The following RNF111 variants were observed in gnomAD, a reference collection of about 807,000 sequenced individuals.
The protein encoded by RNF111 is ring finger protein 111.
RNF111 carries 17 observed loss-of-function variants against 95.1 expected under a neutral mutation model. The ratio of observed to expected loss-of-function variants is 0.18; its 90% CI spans 0.12 to 0.27. RNF111 has a LOEUF of 0.27. RNF111 is among the 10% of genes least tolerant of loss of function. The probability of loss-of-function intolerance (pLI) is 1.00; values close to 1 mark genes in which losing one functional copy is unlikely to be tolerated. For missense variants in RNF111, 1,189 were observed against 1,210.4 expected (o/e 0.98, Z 0.26); for synonymous variants, 440 against 414.8 (o/e 1.06, Z -0.74).
chr15:59,058,799 C>A, intron 5 of RNF111: 2 of 405,068 alleles, frequency 4.9e-6, no homozygotes, highest in Non-Finnish European at 9.0e-6. Context: ...ATGGCTGACA[C>A]CAAAAGCATG....
At chr15:58,995,355 G>T (rs1005347823) in intron 1 of RNF111, among the ~76,000 whole-genome samples, 1 of 152,128 alleles carries the variant, frequency 6.6e-6, no homozygotes, top group African/African-American at 2.4e-5. Flanking sequence ...GTTTTATTCA[G>T]TGGGTTAAAT....
intron 1 of RNF111, among the ~76,000 whole-genome samples, chr15:59,011,022 T>G (rs1406209005): frequency 6.6e-6 from 1 of 152,210 alleles, no homozygotes; most frequent in Non-Finnish European, 1.5e-5. Context: ...GATAGTTGTT[T>G]GAATTTGGCA....
chr15:58,997,728 A>G (rs1222186459), intron 1 of RNF111, among the ~76,000 whole-genome samples: 1 of 150,470 alleles, frequency 6.6e-6, no homozygotes, highest in Non-Finnish European at 1.5e-5. Flanking sequence ...AGGCAGGAGG[A>G]TGGCTTGAAC....
intron 2 of RNF111, among the ~76,000 whole-genome samples, chr15:59,037,591 C>A (rs549289626): frequency 6.6e-6 from 1 of 152,192 alleles, no homozygotes; most frequent in South Asian, 2.1e-4. Context: ...AATCTCAGCA[C>A]TTTGGGAGGC....
intron 2 of RNF111, among the ~76,000 whole-genome samples, chr15:59,051,166 A>G (rs1270057059): frequency 6.6e-6 from 1 of 152,200 alleles, no homozygotes; most frequent in Non-Finnish European, 1.5e-5. Flanking sequence ...AAAATGACAA[A>G]TTTTGCGCCT....
rs2043160095 is a variant in RNF111, at chr15:59,076,222, A to G, written c.1948+7A>G. 2 of 1,610,204 alleles carry G rather than the reference A, an allele frequency of 1.2e-6. No homozygotes were observed. Among genetic ancestry groups the G allele is most frequent in the Non-Finnish European group, 1.7e-6 (2 of 1,177,794 alleles). ...CATTACATGCCACCCCCTTGTAAGT[A>G]TATACTTAGTGGACACAAAATCTAG... On this transcript the variant is annotated splice_region_variant and intron_variant, in intron 7 of 13. Coordinates refer to ENST00000348370, the MANE Select transcript of RNF111 (RefSeq NM_017610.8).
intron 6 of RNF111, among the ~76,000 whole-genome samples, chr15:59,075,578 A>T (rs1252287730): frequency 5.3e-5 from 8 of 152,226 alleles, no homozygotes; most frequent in African/African-American, 1.9e-4. Context: ...GTCCTAAAGT[A>T]CTAGTCACAA....
intron 1 of RNF111, among the ~76,000 whole-genome samples, chr15:58,995,646 C>T (rs2039033371): frequency 1.3e-5 from 2 of 151,674 alleles, no homozygotes; most frequent in Admixed American, 6.6e-5. Context: ...TTAGTAGAGA[C>T]GGGGTTTCAC....
Position 59,031,556 on chromosome 15 carries a change from G to T in RNF111, c.734G>T (p.Arg245Ile). 1 of 1,614,204 alleles carries T rather than the reference G, an allele frequency of 6.2e-7. No homozygotes were observed. The highest frequency in any genetic ancestry group is 8.5e-7 in the Non-Finnish European group (1 of 1,180,040). ...AAGAAACGAGAAGTGTTAGCTCGAA[G>T]AAAATATGCCTTGCTACCTAGTTCT... ...QRKKREVLARRKYALLPSSSS... is the reference protein window; with the variant it reads ...QRKKREVLARIKYALLPSSSS... Residue 245 changes from arginine to isoleucine, a missense_variant, in exon 2 of 14, where the codon AGA (arginine) becomes ATA (isoleucine). By Grantham distance (97) the Arg-to-Ile change is moderately conservative. Transcript: ENST00000348370.
In RNF111 at chr15:59,072,826, T is replaced by TTG. The variant is rs1555399411; in HGVS notation, c.1687-3127_1687-3126insGT. On this transcript the variant is annotated intron_variant, in intron 6 of 13. Coordinates refer to ENST00000348370, the MANE Select transcript of RNF111 (RefSeq NM_017610.8). ...TCAAGAAACCACTTTTGCTGCAGTT[T>TTG]TTTGTTTGTTTGTTTGTTTAAATGA... Among the ~76,000 whole-genome samples, 937 of 151,886 alleles carry TTG rather than the reference T, an allele frequency of 6.2e-3. 11 individuals are homozygous for TTG. Among genetic ancestry groups the TTG allele is most frequent in the African/African-American group, 0.021 (881 of 41,386 alleles).
At chr15:59,013,786 A>T (rs1486650644) in intron 1 of RNF111, among the ~76,000 whole-genome samples, 1 of 151,290 alleles carries the variant, frequency 6.6e-6, no homozygotes, top group Non-Finnish European at 1.5e-5. Flanking sequence ...ATGGATATTC[A>T]TTTTTTTTCT....
chr15:59,065,302 G>A (rs560349922), intron 5 of RNF111, among the ~76,000 whole-genome samples: 163 of 152,248 alleles, frequency 1.1e-3, no homozygotes, highest in Non-Finnish European at 1.7e-3. Flanking sequence ...TTGAGGAAGC[G>A]TTTCTAGGTT....
intron 1 of RNF111, among the ~76,000 whole-genome samples, chr15:59,018,072 C>T (rs1463602048): frequency 1.3e-5 from 2 of 152,000 alleles, no homozygotes; most frequent in Non-Finnish European, 2.9e-5. Context: ...TTGTTGAGCT[C>T]TTATAGACTA....
chr15:59,001,171 C>T (rs147517836), intron 1 of RNF111, among the ~76,000 whole-genome samples: 223 of 152,226 alleles, frequency 1.5e-3, no homozygotes, highest in African/African-American at 5.3e-3. Context: ...CTAGCCATAG[C>T]ATGGTTGACC....
intron 2 of RNF111, among the ~76,000 whole-genome samples, chr15:59,032,293 A>ATGG (rs1222380890): frequency 6.6e-6 from 1 of 152,106 alleles, no homozygotes; most frequent in African/African-American, 2.4e-5. Flanking sequence ...TTCTTCATTT[A>ATGG]TGGTACACAT....
intron 2 of RNF111, among the ~76,000 whole-genome samples, chr15:59,035,574 A>G (rs2041138795): frequency 6.6e-6 from 1 of 152,206 alleles, no homozygotes; most frequent in African/African-American, 2.4e-5. Context: ...TTCCTTTTTT[A>G]TCACATTGTC....
At chr15:58,995,274 TCAC>T (rs1281894392) in intron 1 of RNF111, among the ~76,000 whole-genome samples, 6 of 152,246 alleles carry the variant, frequency 3.9e-5, no homozygotes, top group African/African-American at 1.4e-4. Flanking sequence ...TCCATTTTCT[TCAC>T]TAATGGACAT....
At chr15:59,065,358 T>C (rs184778743) in intron 5 of RNF111, among the ~76,000 whole-genome samples, 2 of 152,348 alleles carry the variant, frequency 1.3e-5, no homozygotes, top group African/African-American at 4.8e-5. Context: ...AGGATACTTT[T>C]GCAGTTCTTC....
At chr15:59,045,644 A>T (rs1473388759) in intron 2 of RNF111, among the ~76,000 whole-genome samples, 3 of 152,336 alleles carry the variant, frequency 2.0e-5, no homozygotes, top group East Asian at 1.9e-4. Context: ...AAAGTTTTTT[A>T]AAAAATATGA....
Sources: gnomAD v4.1 joint callset for allele counts (sites outside exome capture counted in the v4.1 genomes callset) on GRCh38, gnomAD v4.1.1 for gene constraint, MANE v1.5 for transcripts, NCBI Gene and HGNC (gene_info 2026-07-23, HGNC 2026-07-21) for gene names.